ETV6: variants seen among roughly 807,000 people sequenced by gnomAD.
ETV6 encodes transcription factor ETV6.
In ETV6, 16 loss-of-function variants were observed where a neutral mutation model predicts 51.1. The observed-to-expected ratio is 0.31, with a 90% CI of 0.21 to 0.48. The LOEUF is 0.48. Ranked by LOEUF, ETV6 falls within the 20% of genes least tolerant of loss-of-function variation. The pLI is 0.99. For synonymous variants in ETV6, 240 were observed against 224.1 expected, an observed-to-expected ratio of 1.07 and a Z score of -0.64; for missense variants, 458 against 594.8, an observed-to-expected ratio of 0.77 and a Z score of 2.39.
intron 1 of ETV6, chr12:11,751,389 A>AT (rs777222887): frequency 6.9e-5 from 36 of 518,830 alleles, no homozygotes; most frequent in African/African-American, 6.0e-4. Context: ...TTTCCACCAT[A>AT]TTTTTGGATG....
intron 1 of ETV6, among the ~76,000 whole-genome samples, chr12:11,661,245 G>A (rs1453713091): frequency 6.6e-6 from 1 of 152,100 alleles, no homozygotes; most frequent in African/African-American, 2.4e-5. Context: ...CTCCCACCTC[G>A]GCCTCCCAAA....
intron 2 of ETV6, among the ~76,000 whole-genome samples, chr12:11,781,676 C>T (rs1020071527): frequency 2.6e-5 from 4 of 152,158 alleles, no homozygotes; most frequent in African/African-American, 9.7e-5. Context: ...TGGACTATAG[C>T]CAAAGTCAGA....
intron 1 of ETV6, among the ~76,000 whole-genome samples, chr12:11,746,303 G>A (rs1055484994): frequency 3.3e-5 from 5 of 152,204 alleles, no homozygotes; most frequent in South Asian, 2.1e-4. Flanking sequence ...CAGTCTGCAC[G>A]CAAATACCAG....
chr12:11,702,100 G>C lies in ETV6; in HGVS notation c.34-50350G>C, dbSNP rs182592177. 7.2e-4 allele frequency among the ~76,000 whole-genome samples: 109 copies of C among 152,200 alleles called. 2 individuals are homozygous for C. In the East Asian group the frequency reaches 0.019, roughly 26 times the overall value. ...CCCCGTTCGATCTGTGGGTTGACAG[G>C]GGGGTGTGAATGGATTGGAATGGGA... On this transcript the variant is annotated intron_variant, in intron 1 of 7. Transcript: ENST00000396373.
At chr12:11,787,167 G>A (rs1396916154) in intron 2 of ETV6, among the ~76,000 whole-genome samples, 1 of 152,190 alleles carries the variant, frequency 6.6e-6, no homozygotes, top group Non-Finnish European at 1.5e-5. Flanking sequence ...TCTGCTTATG[G>A]CTGGAGTTAT....
At chr12:11,674,877 C>G (rs1468820473) in intron 1 of ETV6, among the ~76,000 whole-genome samples, 1 of 152,112 alleles carries the variant, frequency 6.6e-6, no homozygotes, top group Non-Finnish European at 1.5e-5. Context: ...TCCACCAATT[C>G]CCCGCTTCCC....
intron 2 of ETV6, among the ~76,000 whole-genome samples, chr12:11,765,290 A>G (rs1363545694): frequency 6.6e-6 from 1 of 152,108 alleles, no homozygotes; most frequent in East Asian, 1.9e-4. Flanking sequence ...ATCAGACCCC[A>G]TCCCCCTACC....
chr12:11,752,789 T>G, intron 2 of ETV6: 1 of 472,148 alleles, frequency 2.1e-6, no homozygotes, highest in Non-Finnish European at 3.7e-6. Context: ...TATTCATTTC[T>G]TCCCTGACTA....
chr12:11,798,389 A>T (rs1945706288), intron 2 of ETV6, among the ~76,000 whole-genome samples: 1 of 152,184 alleles, frequency 6.6e-6, no homozygotes, highest in African/African-American at 2.4e-5. Flanking sequence ...ACAAGGGAAA[A>T]TCATGCTGGT....
intron 1 of ETV6, among the ~76,000 whole-genome samples, chr12:11,732,058 C>T (rs796252317): frequency 6.6e-6 from 1 of 152,188 alleles, no homozygotes; most frequent in African/African-American, 2.4e-5. Context: ...ATGTTCCACC[C>T]TGCAGTCCTT....
intron 7 of ETV6, among the ~76,000 whole-genome samples, chr12:11,888,393 CTTTTCTTTTT>C (rs1374350893): frequency 2.1e-5 from 1 of 48,290 alleles, no homozygotes; most frequent in African/African-American, 6.5e-5. Context: ...CTTTTCTTTT[CTTTTCTTTTT>C]TTTTTTTTTT....
At chr12:11,718,603 T>TA (rs35535946) in intron 1 of ETV6, among the ~76,000 whole-genome samples, 3,667 of 105,632 alleles carry the variant, frequency 0.035, 94 homozygotes, top group East Asian at 0.11. Flanking sequence ...CCATCGCTAC[T>TA]AAAAAAAAAA....
chr12:11,789,837 T>C (rs1158859025), intron 2 of ETV6, among the ~76,000 whole-genome samples: 4 of 152,170 alleles, frequency 2.6e-5, no homozygotes, highest in South Asian at 2.1e-4. Flanking sequence ...TGTTGACTTA[T>C]TGTTCCCTGG....
intron 2 of ETV6, among the ~76,000 whole-genome samples, chr12:11,836,305 C>T (rs955402257): frequency 3.3e-5 from 5 of 152,208 alleles, no homozygotes; most frequent in South Asian, 2.1e-4. Flanking sequence ...ACGTGTCCAC[C>T]TACTTCACTC....
chr12:11,889,713 G>C (rs1947258159), intron 7 of ETV6, among the ~76,000 whole-genome samples: 1 of 152,254 alleles, frequency 6.6e-6, no homozygotes, highest in Non-Finnish European at 1.5e-5. Flanking sequence ...CTGATGAACA[G>C]TGGAAAATAA....
intron 1 of ETV6, among the ~76,000 whole-genome samples, chr12:11,718,328 A>C (rs1364340292): frequency 6.6e-6 from 1 of 152,108 alleles, no homozygotes; most frequent in African/African-American, 2.4e-5. Flanking sequence ...CCAGACTTAC[A>C]AGATGTCTTG....
At chr12:11,689,792 C>T (rs898969889) in intron 1 of ETV6, among the ~76,000 whole-genome samples, 2 of 139,912 alleles carry the variant, frequency 1.4e-5, no homozygotes, top group African/African-American at 2.7e-5. Context: ...TTGTCTCCCA[C>T]TGGGAGTCTT....
At chr12:11,779,725 G>C (rs1008925853) in intron 2 of ETV6, among the ~76,000 whole-genome samples, 1 of 152,184 alleles carries the variant, frequency 6.6e-6, no homozygotes, top group Non-Finnish European at 1.5e-5. Flanking sequence ...TGGATCTCTA[G>C]AATGGTTCAT....
intron 5 of ETV6, among the ~76,000 whole-genome samples, chr12:11,871,936 A>G (rs562907176): frequency 2.4e-3 from 369 of 152,342 alleles, no homozygotes; most frequent in African/African-American, 8.1e-3. Context: ...AATTTCCCCA[A>G]ATAATTGGAG....
Sources: allele counts gnomAD v4.1 joint callset (sites outside exome capture counted in the v4.1 genomes callset), GRCh38; gene constraint gnomAD v4.1.1; transcripts MANE v1.5; gene names NCBI Gene and HGNC (gene_info 2026-07-23, HGNC 2026-07-21).